FHIT: variants seen among roughly 807,000 people sequenced by gnomAD.
FHIT encodes the protein fragile histidine triad diadenosine triphosphatase.
FHIT carries 19 observed loss-of-function variants against 17.9 expected under a neutral mutation model. The ratio of observed to expected loss-of-function variants is 1.06; its 90% CI spans 0.74 to 1.56. The LOEUF is 1.56. Among genes scored for constraint, FHIT ranks in the 40% most tolerant of loss-of-function variants. FHIT has a pLI of 0.00. For synonymous variants in FHIT, 81 were observed against 69.7 expected (o/e 1.16, Z -0.81); for missense variants, 248 against 189.2 (o/e 1.31, Z -1.82).
At chr3:60,056,047 C>G (rs1025483534) in intron 5 of FHIT, among the ~76,000 whole-genome samples, 1 of 152,202 alleles carries the variant, frequency 6.6e-6, no homozygotes, top group East Asian at 1.9e-4. Flanking sequence ...TGACCTGCCC[C>G]CTTCACACAC....
intron 4 of FHIT, among the ~76,000 whole-genome samples, chr3:60,817,303 C>T (rs1230221290): frequency 1.3e-5 from 2 of 151,996 alleles, no homozygotes; most frequent in Non-Finnish European, 2.9e-5. Context: ...TTTATATTTA[C>T]AATTTCCAAA....
At chr3:60,245,983 T>A (rs902050503) in intron 5 of FHIT, among the ~76,000 whole-genome samples, 1 of 152,062 alleles carries the variant, frequency 6.6e-6, no homozygotes, top group Non-Finnish European at 1.5e-5. Flanking sequence ...ATAAAAAAAA[T>A]TTTCTTAAAT....
chr3:61,176,886 AGGGAACCGGCCGGGCGTGGT>A (rs1016053599), intron 2 of FHIT, among the ~76,000 whole-genome samples: 4 of 152,296 alleles, frequency 2.6e-5, no homozygotes, highest in African/African-American at 9.6e-5. Context: ...CTTGAAAGAA[AGGGAACCGGCCGGGCGTGGT>A]GGCTCACGCC....
In FHIT at chr3:59,908,850, T is replaced by TTTTTTTTTTTTTTTTTTTTTTTGAGACGG. The variant is rs1553712872; in HGVS notation, c.348+13495_348+13496insCCGTCTCAAAAAAAAAAAAAAAAAAAAAA. Among the ~76,000 whole-genome samples the TTTTTTTTTTTTTTTTTTTTTTTGAGACGG allele has an allele frequency of 1.1e-4, 16 of 150,078 alleles. 1 individual carries two copies. The highest frequency in any genetic ancestry group is 3.4e-4 in the African/African-American group (14 of 40,912). On this transcript the variant is annotated intron_variant, in intron 8 of 9. Coordinates refer to ENST00000492590, the MANE Select transcript of FHIT (RefSeq NM_002012.4). ...TGGGAGTCAAGAACATTTCATTTTT[T>TTTTTTTTTTTTTTTTTTTTTTTGAGACGG]AATAGTCCAACTGGTGACTGTGAAA...
At chr3:60,937,546 T>TTG (rs1429443133) in intron 3 of FHIT, among the ~76,000 whole-genome samples, 1 of 139,868 alleles carries the variant, frequency 7.1e-6, no homozygotes, top group Non-Finnish European at 1.5e-5. Context: ...ACTGCTTTTT[T>TTG]TTTCTTTTTT....
At chr3:60,966,709 G>T (rs942686846) in intron 3 of FHIT, among the ~76,000 whole-genome samples, 3 of 152,208 alleles carry the variant, frequency 2.0e-5, no homozygotes, top group African/African-American at 7.2e-5. Flanking sequence ...AGACAATAAT[G>T]GCTGCAAGGG....
At chr3:61,094,745 C>T (rs967897960) in intron 2 of FHIT, among the ~76,000 whole-genome samples, 1 of 152,092 alleles carries the variant, frequency 6.6e-6, no homozygotes, top group African/African-American at 2.4e-5. Context: ...ACCATGATAC[C>T]ATGACAGTTG....
At chr3:60,322,911 C>T (rs1709500217) in intron 5 of FHIT, among the ~76,000 whole-genome samples, 1 of 152,104 alleles carries the variant, frequency 6.6e-6, no homozygotes, top group Non-Finnish European at 1.5e-5. Flanking sequence ...CAATGTTTAA[C>T]TAGAATGTTC....
chr3:61,240,413 GC>G (rs2040346327), intron 1 of FHIT, among the ~76,000 whole-genome samples: 1 of 152,108 alleles, frequency 6.6e-6, no homozygotes. Flanking sequence ...TAAGAATGTG[GC>G]AGCCCTGGCC....
chr3:60,124,007 T>TAGAGAGAG (rs1559653690), intron 5 of FHIT, among the ~76,000 whole-genome samples: 7 of 17,770 alleles, frequency 3.9e-4, no homozygotes, highest in Non-Finnish European at 6.1e-4. Flanking sequence ...TATATATATA[T>TAGAGAGAG]ATAGAGAGAG....
chr3:60,363,896 G>T (rs553200377), intron 5 of FHIT, among the ~76,000 whole-genome samples: 1 of 152,254 alleles, frequency 6.6e-6, no homozygotes, highest in Non-Finnish European at 1.5e-5. Context: ...TCAAAGGACG[G>T]TCACCATCCT....
chr3:60,442,499 A>C (rs986429226), intron 5 of FHIT, among the ~76,000 whole-genome samples: 1 of 152,172 alleles, frequency 6.6e-6, no homozygotes, highest in Non-Finnish European at 1.5e-5. Flanking sequence ...ATGGCTAGCC[A>C]GTTTTCCCAG....
intron 5 of FHIT, among the ~76,000 whole-genome samples, chr3:60,263,175 G>A (rs1267588789): frequency 6.6e-6 from 1 of 151,878 alleles, no homozygotes; most frequent in Non-Finnish European, 1.5e-5. Flanking sequence ...TAGAATGGCT[G>A]AAATAAAAAG....
intron 5 of FHIT, among the ~76,000 whole-genome samples, chr3:60,268,752 C>T (rs1706714614): frequency 6.6e-6 from 1 of 152,104 alleles, no homozygotes; most frequent in African/African-American, 2.4e-5. Context: ...TACTCAGAAC[C>T]TCTGAATATG....
At position 61,043,260 on chromosome 3, in the gene FHIT, A is replaced by G. The variant is rs113569439; in HGVS notation, c.-163-1161T>C. On this transcript the variant is annotated intron_variant, in intron 2 of 9. Coordinates refer to ENST00000492590, the MANE Select transcript of FHIT (RefSeq NM_002012.4). The stretch of plus-strand genomic sequence containing the variant: ...AATCATAACAACCCCACCCTAATAC[A>G]GCACTTTTCCAACTGTCTTAGCAAA... Among the ~76,000 whole-genome samples the G allele has an allele frequency of 1.3e-3, 194 of 152,288 alleles. 1 individual carries two copies. Among genetic ancestry groups the G allele is most frequent in the Admixed American group, 4.3e-3 (66 of 15,302 alleles).
chr3:59,857,705 G>GTTTTTTTTTTTTTTTT (rs78150569), intron 8 of FHIT, among the ~76,000 whole-genome samples: 8 of 115,436 alleles, frequency 6.9e-5, no homozygotes, highest in Admixed American at 1.8e-4. Flanking sequence ...AAAGTGCTGG[G>GTTTTTTTTTTTTTTTT]TTTTTTTTTT....
At chr3:60,733,602 G>A (rs1189254846) in intron 4 of FHIT, among the ~76,000 whole-genome samples, 4 of 152,082 alleles carry the variant, frequency 2.6e-5, no homozygotes, top group Admixed American at 6.5e-5. Context: ...TTCAGATGTT[G>A]CTGAAGAAAC....
At chr3:60,038,077 C>G (rs1261918141) in intron 5 of FHIT, among the ~76,000 whole-genome samples, 1 of 152,120 alleles carries the variant, frequency 6.6e-6, no homozygotes, top group East Asian at 1.9e-4. Context: ...TATTAAATTT[C>G]AGAGTAATGA....
chr3:60,797,355 T>C (rs950958479), intron 4 of FHIT, among the ~76,000 whole-genome samples: 1 of 152,130 alleles, frequency 6.6e-6, no homozygotes, highest in African/African-American at 2.4e-5. Context: ...AGATGTACAC[T>C]GCTTTTGTGG....
Sources: gnomAD v4.1 joint callset for allele counts (sites outside exome capture counted in the v4.1 genomes callset) on GRCh38, gnomAD v4.1.1 for gene constraint, MANE v1.5 for transcripts, NCBI Gene and HGNC (gene_info 2026-07-23, HGNC 2026-07-21) for gene names.